Variants in ADISSP observed in about 807,000 individuals in gnomAD.
The protein encoded by ADISSP is adipose-secreted signaling protein.
the ADISSP span, chr20:3,758,573 A>G: frequency 6.2e-6 from 10 of 1,613,666 alleles, no homozygotes; most frequent in East Asian, 4.5e-5. The surrounding 1 kb of genome is among the most constrained non-coding windows in gnomAD (Gnocchi z 5.5). Context: ...CTGGGTGACC[A>G]TGACCACCGA....
chr20:3,765,843 C>T, the ADISSP span, among the ~76,000 whole-genome samples: 3 of 152,068 alleles, frequency 2.0e-5, no homozygotes, highest in Non-Finnish European at 4.4e-5. Flanking sequence ...AATGAACATC[C>T]TGGGAAACTG....
At chr20:3,763,233 G>GCAAAA in the ADISSP span, among the ~76,000 whole-genome samples, 1 of 144,464 alleles carries the variant, frequency 6.9e-6, no homozygotes, top group Non-Finnish European at 1.5e-5. Context: ...TCCAGCCTGG[G>GCAAAA]TGACAGAGCG....
chr20:3,754,171 G>A, the ADISSP span: 2 of 1,599,158 alleles, frequency 1.3e-6, no homozygotes, highest in African/African-American at 1.3e-5. Context: ...GCAAGGCAGG[G>A]TGCAAGTCAG....
chr20:3,761,272 T>C, the ADISSP span, among the ~76,000 whole-genome samples: 1 of 151,704 alleles, frequency 6.6e-6, no homozygotes, highest in Admixed American at 6.6e-5. Flanking sequence ...GAGGGGAAGG[T>C]TGACAGGAAG....
At chr20:3,759,004 C>T in the ADISSP span, among the ~76,000 whole-genome samples, 6 of 152,182 alleles carry the variant, frequency 3.9e-5, no homozygotes, top group South Asian at 2.1e-4. This position sits in a 1 kb window ranked among gnomAD's most constrained non-coding sequence, Gnocchi z 4.6. Context: ...GCCAGGGCAG[C>T]GTGGGACTCA....
the ADISSP span, among the ~76,000 whole-genome samples, chr20:3,756,154 G>C: frequency 3.3e-5 from 5 of 152,212 alleles, no homozygotes; most frequent in Non-Finnish European, 7.3e-5. Flanking sequence ...GATCAAATTA[G>C]AGATATGACA....
chr20:3,761,077 G>C, the ADISSP span, among the ~76,000 whole-genome samples: 3 of 152,220 alleles, frequency 2.0e-5, no homozygotes, highest in Admixed American at 2.0e-4. Context: ...GGATTAAAGA[G>C]GAAGAATTCA....
At chr20:3,761,820 T>C in the ADISSP span, among the ~76,000 whole-genome samples, 2 of 152,194 alleles carry the variant, frequency 1.3e-5, no homozygotes, top group African/African-American at 2.4e-5. Flanking sequence ...AGGTTTAACC[T>C]GGAATCTAAA....
At chr20:3,756,016 G>A in the ADISSP span, among the ~76,000 whole-genome samples, 2 of 152,194 alleles carry the variant, frequency 1.3e-5, no homozygotes, top group Non-Finnish European at 2.9e-5. Flanking sequence ...GCCTACAAGG[G>A]AAAGTTCAAA....
At chr20:3,753,946 C>A in the ADISSP span, 9 of 807,550 alleles carry the variant, frequency 1.1e-5, no homozygotes, top group African/African-American at 1.7e-5. Context: ...GGCCACTCCA[C>A]CCCCACACCC....
the ADISSP span, chr20:3,754,094 G>A: frequency 2.0e-5 from 32 of 1,613,282 alleles, no homozygotes; most frequent in South Asian, 7.7e-5. Context: ...GCTCTGAGTC[G>A]TATTCCAGCT....
the ADISSP span, chr20:3,755,686 T>G: frequency 7.7e-7 from 1 of 1,302,964 alleles, no homozygotes; most frequent in Admixed American, 1.9e-5. Flanking sequence ...CCACCTATGA[T>G]CCCATGCGCC....
At chr20:3,754,295 G>A in the ADISSP span, 70 of 1,504,522 alleles carry the variant, frequency 4.7e-5, no homozygotes, top group East Asian at 3.4e-4. Context: ...CCCCTGAGCC[G>A]GGCAAGGATC....
At chr20:3,762,763 C>A in the ADISSP span, among the ~76,000 whole-genome samples, 3 of 152,202 alleles carry the variant, frequency 2.0e-5, no homozygotes, top group Non-Finnish European at 4.4e-5. Context: ...ATGATAGAGA[C>A]CATATGGCCT....
the ADISSP span, among the ~76,000 whole-genome samples, chr20:3,760,496 G>A: frequency 6.6e-6 from 1 of 152,218 alleles, no homozygotes; most frequent in Non-Finnish European, 1.5e-5. Flanking sequence ...GAGACTGGCA[G>A]GAGGGGCAGC....
chr20:3,754,356 C>G, the ADISSP span: 10 of 1,601,284 alleles, frequency 6.2e-6, no homozygotes, highest in Non-Finnish European at 6.8e-6. Flanking sequence ...CGCAGTCGAG[C>G]TTGTGCATCC....
chr20:3,764,132 C>A, the ADISSP span, among the ~76,000 whole-genome samples: 1 of 152,188 alleles, frequency 6.6e-6, no homozygotes, highest in African/African-American at 2.4e-5. Context: ...CTGCCGTAAC[C>A]GCCCCCCGAC....
chr20:3,753,715 T>C, the ADISSP span: 5 of 379,760 alleles, frequency 1.3e-5, no homozygotes, highest in South Asian at 1.4e-4. Flanking sequence ...GCCAGCTCCG[T>C]CCTCTCCCAG....
At chr20:3,755,552 A>G in the ADISSP span, 1 of 1,613,426 alleles carries the variant, frequency 6.2e-7, no homozygotes, top group Non-Finnish European at 8.5e-7. Context: ...CAGCCTGTGC[A>G]CTGGGGGCAG....
Sources: allele counts gnomAD v4.1 joint callset (sites outside exome capture counted in the v4.1 genomes callset), GRCh38; gene constraint gnomAD v4.1.1; non-coding constraint Gnocchi (gnomAD v3.1); transcripts MANE v1.5; gene names NCBI Gene and HGNC (gene_info 2026-07-23, HGNC 2026-07-21).